Variants in RNF180 observed in about 807,000 individuals in gnomAD.
The protein encoded by RNF180 is ring finger protein 180, also known as E3 ubiquitin-protein ligase RNF180.
RNF180 carries 38 observed loss-of-function variants against 59.2 expected under a neutral mutation model. The observed-to-expected ratio is 0.64, with a 90% CI of 0.50 to 0.84. RNF180 has a LOEUF of 0.84. RNF180 is among the 40% of genes least tolerant of loss of function. The pLI is 0.00. For synonymous variants in RNF180, 262 were observed against 240.3 expected (o/e 1.09, Z -0.84); for missense variants, 705 against 700.9 (o/e 1.01, Z -0.07).
intron 5 of RNF180, among the ~76,000 whole-genome samples, chr5:64,284,810 C>A (rs1438530520): frequency 1.3e-5 from 2 of 152,174 alleles, no homozygotes; most frequent in Non-Finnish European, 2.9e-5. Context: ...ATTCTGAATT[C>A]TGTGTCTGTC....
chr5:64,332,411 A>C (rs1266403219), intron 7 of RNF180, among the ~76,000 whole-genome samples: 1 of 152,188 alleles, frequency 6.6e-6, no homozygotes, highest in Non-Finnish European at 1.5e-5. Flanking sequence ...AGGGTGTCTT[A>C]GAGATGTGCA....
intron 5 of RNF180, among the ~76,000 whole-genome samples, chr5:64,310,819 G>A (rs1561253284): frequency 6.6e-6 from 1 of 150,952 alleles, no homozygotes; most frequent in Non-Finnish European, 1.5e-5. Context: ...TATTGTATAT[G>A]GGCTAACCCT....
chr5:64,249,500 C>G (rs1280180076), intron 5 of RNF180, among the ~76,000 whole-genome samples: 1 of 152,002 alleles, frequency 6.6e-6, no homozygotes, highest in Non-Finnish European at 1.5e-5. Flanking sequence ...GAGGCTTTCC[C>G]AGACAAACAG....
chr5:64,265,847 T>A (rs532781297), intron 5 of RNF180, among the ~76,000 whole-genome samples: 1 of 152,180 alleles, frequency 6.6e-6, no homozygotes, highest in Non-Finnish European at 1.5e-5. Context: ...ATTCTTTCTA[T>A]CCATGAGGAT....
chr5:64,313,346 C>T (rs186211771), intron 5 of RNF180, among the ~76,000 whole-genome samples: 40 of 152,114 alleles, frequency 2.6e-4, no homozygotes, highest in African/African-American at 9.6e-4. Context: ...GTCTGTTGTT[C>T]CCTTCTTTGT....
intron 5 of RNF180, among the ~76,000 whole-genome samples, chr5:64,265,561 C>T (rs557180454): frequency 6.6e-5 from 10 of 151,920 alleles, no homozygotes; most frequent in Non-Finnish European, 1.0e-4. Flanking sequence ...ACTTCTGAGG[C>T]CTGTGTTCTG....
chr5:64,208,540 A>G (rs908711069), intron 2 of RNF180, among the ~76,000 whole-genome samples: 1 of 150,668 alleles, frequency 6.6e-6, no homozygotes, highest in African/African-American at 2.4e-5. Flanking sequence ...AAAACTTAAT[A>G]GTTGATACAT....
intron 7 of RNF180, among the ~76,000 whole-genome samples, chr5:64,340,287 A>T (rs1166921621): frequency 1.3e-5 from 2 of 152,332 alleles, no homozygotes; most frequent in East Asian, 3.9e-4. Flanking sequence ...TAAAAATTCC[A>T]TGTTTTAATT....
At chr5:64,235,784 G>A (rs1334601576) in intron 5 of RNF180, among the ~76,000 whole-genome samples, 1 of 152,086 alleles carries the variant, frequency 6.6e-6, no homozygotes, top group African/African-American at 2.4e-5. Context: ...CACAAGATCT[G>A]GTTGTTTAAT....
At chr5:64,219,331 T>G (rs774266116) in intron 5 of RNF180, among the ~76,000 whole-genome samples, 1 of 152,128 alleles carries the variant, frequency 6.6e-6, no homozygotes, top group East Asian at 1.9e-4. Flanking sequence ...TATTATTATG[T>G]GTATTACTAG....
chr5:64,363,648 A>G (rs1746341488), intron 7 of RNF180, among the ~76,000 whole-genome samples: 1 of 151,846 alleles, frequency 6.6e-6, no homozygotes, highest in Non-Finnish European at 1.5e-5. Flanking sequence ...TTTGCTAGGA[A>G]CAGCATTGAA....
chr5:64,219,342 A>G (rs182052684), intron 5 of RNF180, among the ~76,000 whole-genome samples: 84 of 150,704 alleles, frequency 5.6e-4, no homozygotes, highest in African/African-American at 2.0e-3. Flanking sequence ...GTATTACTAG[A>G]TACTATTTGC....
At chr5:64,309,517 T>A (rs1743647784) in intron 5 of RNF180, among the ~76,000 whole-genome samples, 1 of 151,762 alleles carries the variant, frequency 6.6e-6, no homozygotes, top group South Asian at 2.1e-4. Flanking sequence ...TAATGTAAAT[T>A]TTTTTGTTTT....
intron 1 of RNF180, among the ~76,000 whole-genome samples, chr5:64,192,316 C>T (rs1751200498): frequency 6.6e-6 from 1 of 151,834 alleles, no homozygotes; most frequent in African/African-American, 2.4e-5. Flanking sequence ...AAGGGTTGGC[C>T]AGGATGTAGA....
chr5:64,265,163 C>T (rs1053337196), intron 5 of RNF180, among the ~76,000 whole-genome samples: 1 of 152,072 alleles, frequency 6.6e-6, no homozygotes, highest in Non-Finnish European at 1.5e-5. Context: ...AAATTTTCTT[C>T]CATTCTGTAG....
At chr5:64,263,135 A>G (rs1041887790) in intron 5 of RNF180, among the ~76,000 whole-genome samples, 4 of 152,190 alleles carry the variant, frequency 2.6e-5, no homozygotes, top group South Asian at 2.1e-4. Context: ...TGATAAGGAT[A>G]TTCAGGGGAT....
At chr5:64,261,538 T>C (rs1260898867) in intron 5 of RNF180, among the ~76,000 whole-genome samples, 1 of 152,208 alleles carries the variant, frequency 6.6e-6, no homozygotes, top group Non-Finnish European at 1.5e-5. Flanking sequence ...TTTCAGAATA[T>C]TTTAAATATT....
intron 5 of RNF180, among the ~76,000 whole-genome samples, chr5:64,259,539 C>G (rs556667638): frequency 7.0e-4 from 107 of 152,234 alleles, no homozygotes; most frequent in African/African-American, 2.4e-3. Context: ...GAGACTTACT[C>G]CTATTGTCTG....
chr5:64,324,411 C>G (rs2112519884), intron 5 of RNF180, among the ~76,000 whole-genome samples: 1 of 152,322 alleles, frequency 6.6e-6, no homozygotes, highest in East Asian at 1.9e-4. Flanking sequence ...CCAGAGAAAA[C>G]CCCCACAAAC....
Sources: gnomAD v4.1 joint callset for allele counts (sites outside exome capture counted in the v4.1 genomes callset) on GRCh38, gnomAD v4.1.1 for gene constraint, MANE v1.5 for transcripts, NCBI Gene and HGNC (gene_info 2026-07-23, HGNC 2026-07-21) for gene names.